The following SLC24A2 variants were observed in gnomAD, a reference collection of about 807,000 sequenced individuals.
The protein encoded by SLC24A2 is solute carrier family 24 member 2.
SLC24A2 carries 36 observed loss-of-function variants against 62.0 expected under a neutral mutation model. The ratio of observed to expected loss-of-function variants is 0.58; its 90% confidence interval spans 0.44 to 0.77. The LOEUF is 0.77. SLC24A2 is among the 30% of genes least tolerant of loss of function. The probability of loss-of-function intolerance (pLI) is 0.00; values close to 1 mark genes in which losing one functional copy is unlikely to be tolerated. For synonymous variants in SLC24A2, 358 were observed against 294.0 expected (o/e 1.22, Z -2.23); for missense variants, 846 against 817.9 (o/e 1.03, Z -0.42).
At chr9:19,607,512 G>A (rs1025532147) in intron 4 of SLC24A2, among the ~76,000 whole-genome samples, 3 of 152,086 alleles carry the variant, frequency 2.0e-5, no homozygotes, top group African/African-American at 7.2e-5. Context: ...CTGAGGTCAG[G>A]AGTTCGAGAC....
At chr9:20,248,852 G>T in the SLC24A2 span, among the ~76,000 whole-genome samples, 1 of 152,162 alleles carries the variant, frequency 6.6e-6, no homozygotes, top group East Asian at 1.9e-4. Context: ...ACCTCCTACA[G>T]GGCACTTAAG....
the SLC24A2 span, among the ~76,000 whole-genome samples, chr9:19,835,701 C>A: frequency 6.6e-6 from 1 of 152,178 alleles, no homozygotes; most frequent in Middle Eastern, 3.4e-3. Flanking sequence ...TCCAATGATT[C>A]AACTCAGCTC....
At chr9:19,845,105 A>G in the SLC24A2 span, among the ~76,000 whole-genome samples, 1 of 152,170 alleles carries the variant, frequency 6.6e-6, no homozygotes, top group Non-Finnish European at 1.5e-5. Context: ...TGCTTTGGGC[A>G]GTATGACCAC....
chr9:19,980,179 T>C, the SLC24A2 span, among the ~76,000 whole-genome samples: 5 of 152,316 alleles, frequency 3.3e-5, no homozygotes, highest in East Asian at 9.6e-4. Context: ...AATCAAGTGA[T>C]ACTTTTCAAA....
chr9:19,598,002 T>C (rs753589847), intron 4 of SLC24A2, among the ~76,000 whole-genome samples: 2 of 152,130 alleles, frequency 1.3e-5, no homozygotes, highest in African/African-American at 2.4e-5. Context: ...ACATCATCAA[T>C]GGACTCCCCC....
At chr9:20,050,567 T>C in the SLC24A2 span, among the ~76,000 whole-genome samples, 1 of 152,206 alleles carries the variant, frequency 6.6e-6, no homozygotes, top group African/African-American at 2.4e-5. Context: ...AATCAGTGTT[T>C]AATGCTTTTT....
At chr9:20,008,433 A>G in the SLC24A2 span, among the ~76,000 whole-genome samples, 2 of 152,014 alleles carry the variant, frequency 1.3e-5, no homozygotes, top group East Asian at 1.9e-4. Context: ...ATGGTGGTGA[A>G]CTTCACTCTA....
At chr9:19,770,131 T>A (rs1415670275) in intron 2 of SLC24A2, among the ~76,000 whole-genome samples, 1 of 151,642 alleles carries the variant, frequency 6.6e-6, no homozygotes, top group East Asian at 2.0e-4. Context: ...CTAACTTGCC[T>A]GATTTCTGTA....
chr9:20,186,553 C>G, the SLC24A2 span, among the ~76,000 whole-genome samples: 3 of 152,158 alleles, frequency 2.0e-5, no homozygotes, highest in Non-Finnish European at 4.4e-5. Flanking sequence ...CTACAACCTA[C>G]TTTTGCTGTT....
the SLC24A2 span, among the ~76,000 whole-genome samples, chr9:20,124,300 A>T: frequency 6.7e-6 from 1 of 148,272 alleles, no homozygotes; most frequent in Middle Eastern, 3.4e-3. Context: ...AAGGTTCCCA[A>T]AAGCTTAAAA....
the SLC24A2 span, among the ~76,000 whole-genome samples, chr9:20,104,749 C>T: frequency 6.6e-6 from 1 of 152,186 alleles, no homozygotes; most frequent in African/African-American, 2.4e-5. Flanking sequence ...AAAATCATGC[C>T]AAATTGTAAA....
At chr9:19,996,302 G>A in the SLC24A2 span, among the ~76,000 whole-genome samples, 2 of 152,142 alleles carry the variant, frequency 1.3e-5, no homozygotes, top group Admixed American at 6.5e-5. Flanking sequence ...CTGGGGCATG[G>A]TCAGAAGCCA....
intron 4 of SLC24A2, among the ~76,000 whole-genome samples, chr9:19,614,801 G>T (rs1587040236): frequency 6.6e-6 from 1 of 152,144 alleles, no homozygotes; most frequent in African/African-American, 2.4e-5. Context: ...GTTGAGCCCA[G>T]CTTTCCACTG....
At chr9:19,706,657 C>T (rs1038290667) in intron 2 of SLC24A2, among the ~76,000 whole-genome samples, 42 of 152,254 alleles carry the variant, frequency 2.8e-4, no homozygotes, top group African/African-American at 7.7e-4. Flanking sequence ...GGATTACAGG[C>T]GTGAGCCACC....
chr9:20,282,514 T>C, the SLC24A2 span, among the ~76,000 whole-genome samples: 4 of 152,152 alleles, frequency 2.6e-5, no homozygotes, highest in African/African-American at 9.7e-5. Context: ...AAGAGATTAA[T>C]GCCCCAAATC....
the SLC24A2 span, among the ~76,000 whole-genome samples, chr9:20,181,523 C>T: frequency 6.6e-6 from 1 of 152,082 alleles, no homozygotes; most frequent in Non-Finnish European, 1.5e-5. Context: ...CTGACAAAAA[C>T]AAGAAATGGG....
At chr9:20,082,922 T>C in the SLC24A2 span, among the ~76,000 whole-genome samples, 3 of 152,244 alleles carry the variant, frequency 2.0e-5, no homozygotes, top group Non-Finnish European at 4.4e-5. Flanking sequence ...ATATAAACAG[T>C]GTCTCTCTCC....
At chr9:19,950,168 G>A in the SLC24A2 span, among the ~76,000 whole-genome samples, 1 of 152,038 alleles carries the variant, frequency 6.6e-6, no homozygotes, top group Non-Finnish European at 1.5e-5. Context: ...ATTCTATGTG[G>A]CTCAGCTTTC....
At chr9:19,528,184 G>T (rs183472943) in intron 8 of SLC24A2, 46 bp from the exon 9 acceptor site, 462 of 1,239,922 alleles carry the variant, frequency 3.7e-4, no homozygotes, top group Non-Finnish European at 5.0e-4. Context: ...GTTATCCATT[G>T]AGACTGATCT....
Sources: gnomAD v4.1 joint callset for allele counts (sites outside exome capture counted in the v4.1 genomes callset) on GRCh38, gnomAD v4.1.1 for gene constraint, MANE v1.5 for transcripts, NCBI Gene and HGNC (gene_info 2026-07-23, HGNC 2026-07-21) for gene names.